FRYL: variants seen among roughly 807,000 people sequenced by gnomAD.
The protein encoded by FRYL is protein furry homolog-like.
FRYL carries 150 observed loss-of-function variants against 351.2 expected under a neutral mutation model. The observed-to-expected ratio is 0.43, with a 90% CI of 0.37 to 0.49. The LOEUF (loss-of-function observed/expected upper bound fraction) is 0.49, where lower values mean the gene tolerates loss of function less well. Ranked by LOEUF, FRYL falls within the 20% of genes least tolerant of loss-of-function variation. FRYL has a pLI of 0.00. For synonymous variants in FRYL, 1,153 were observed against 1,257.1 expected, an observed-to-expected ratio of 0.92 and a Z score of 1.75; for missense variants, 3,036 against 3,619.3, an observed-to-expected ratio of 0.84 and a Z score of 4.13.
chr4:48,625,815 A>G (rs1751675844), intron 4 of FRYL, among the ~76,000 whole-genome samples: 1 of 152,202 alleles, frequency 6.6e-6, no homozygotes, highest in South Asian at 2.1e-4. Context: ...TGTTCTCAAT[A>G]TATGAGTTAA....
chr4:48,609,833 A>T lies in FRYL; in HGVS notation c.412-10T>A. On this transcript the variant is annotated splice_polypyrimidine_tract_variant and intron_variant, in intron 7 of 63. Transcript: ENST00000358350. ...CAGGATGAACAGGAATCTAGAATTT[A>T]AAAAAATTATCAAGTAAGAGTTAAA... 6.7e-7 allele frequency: 1 copy of T among 1,484,288 alleles called. No homozygotes were observed. Among genetic ancestry groups the T allele is most frequent in the Non-Finnish European group, 9.2e-7 (1 of 1,084,062 alleles). 91.9% of individuals were successfully genotyped at this position (1,484,288 alleles called of 1,614,324 possible).
chr4:48,693,622 T>TAA (rs78951413), intron 2 of FRYL, among the ~76,000 whole-genome samples: 4 of 137,146 alleles, frequency 2.9e-5, no homozygotes, highest in East Asian at 2.1e-4. Flanking sequence ...TTCAGCGATT[T>TAA]AAAAAAAAAA....
chr4:48,705,970 G>A (rs1263898718), intron 2 of FRYL, among the ~76,000 whole-genome samples: 1 of 152,052 alleles, frequency 6.6e-6, no homozygotes, highest in Non-Finnish European at 1.5e-5. Flanking sequence ...CTGAGTAGCT[G>A]GAACTACAGG....
At position 48,766,470 on chromosome 4, in the gene FRYL, C is replaced by G. The variant is rs553404707; in HGVS notation, c.-384+13608G>C. 2.0e-5 allele frequency among the ~76,000 whole-genome samples: 3 copies of G among 152,252 alleles called. No homozygotes were observed. In the East Asian group the frequency reaches 5.8e-4, roughly 29 times the overall value. ...GGCCAGCCTGATGCCTACTCAGAGGCCCTTGTGCAGGGATGTGATGCAGGA... is the reference window on the plus strand; with the variant it reads ...GGCCAGCCTGATGCCTACTCAGAGGGCCTTGTGCAGGGATGTGATGCAGGA... On this transcript the variant is annotated intron_variant, in intron 1 of 63. Coordinates refer to ENST00000358350, the MANE Select transcript of FRYL (RefSeq NM_015030.2).
In FRYL at chr4:48,498,968, C is replaced by CT. The variant is rs1361944476; in HGVS notation, c.*453_*454insA. ...TTCATGTGGATGGATGATTAAGCAT[C>CT]AATTGCAGGTTAGGTTTTCAACTGC... On this transcript the variant is annotated 3_prime_UTR_variant, in exon 64 of 64. Coordinates refer to ENST00000358350, the MANE Select transcript of FRYL (RefSeq NM_015030.2). 1 of 181,666 alleles carries CT rather than the reference C, an allele frequency of 5.5e-6. No homozygotes were observed. Among genetic ancestry groups the CT allele is most frequent in the African/African-American group, 2.4e-5 (1 of 41,644 alleles). The allele number at this position is 181,666 out of a possible 1,614,324, so 11.3% of individuals were successfully genotyped here.
chr4:48,641,695 G>A (rs552813479), intron 3 of FRYL, among the ~76,000 whole-genome samples: 1 of 152,144 alleles, frequency 6.6e-6, no homozygotes, highest in Non-Finnish European at 1.5e-5. Context: ...CATCCTGGTT[G>A]CTAAGAACTT....
chr4:48,713,268 A>C (rs1225034633), intron 1 of FRYL, among the ~76,000 whole-genome samples: 1 of 152,134 alleles, frequency 6.6e-6, no homozygotes, highest in Non-Finnish European at 1.5e-5. Context: ...TTTAAATGTA[A>C]TAAAGTCCAT....
intron 59 of FRYL, among the ~76,000 whole-genome samples, chr4:48,509,381 A>G (rs1722004003): frequency 6.6e-6 from 1 of 152,242 alleles, no homozygotes; most frequent in Non-Finnish European, 1.5e-5. Context: ...AGGGAAATGC[A>G]AAATAGTACC....
chr4:48,752,607 T>C (rs781410670), intron 1 of FRYL, among the ~76,000 whole-genome samples: 1 of 152,346 alleles, frequency 6.6e-6, no homozygotes, highest in Non-Finnish European at 1.5e-5. Context: ...AGTCATGATA[T>C]CTGTAAGTCT....
At position 48,654,034 on chromosome 4, in the gene FRYL, A is replaced by G. The variant is rs913216713; in HGVS notation, c.-80-19544T>C. 5.3e-5 allele frequency: 38 copies of G among 712,424 alleles called. No individual in the cohort carries two copies. In the African/African-American group the frequency reaches 6.8e-4, roughly 13 times the overall value. 44.1% of individuals were successfully genotyped at this position (712,424 alleles called of 1,614,324 possible). The stretch of plus-strand genomic sequence containing the variant: ...TTGAATAAAAGCTTACAAGTTTATT[A>G]TAAGTGCCCAGAAGGACACCCTCAC... On this transcript the variant is annotated intron_variant, in intron 3 of 63. Transcript: ENST00000358350.
chr4:48,719,934 G>C (rs1366395522), intron 1 of FRYL, among the ~76,000 whole-genome samples: 1 of 151,148 alleles, frequency 6.6e-6, no homozygotes. Flanking sequence ...AGTGGATCAC[G>C]AGGTCCGGAG....
rs563637183 is a variant in FRYL, at chr4:48,523,718, T to G, written c.7318-614A>C. 4.6e-5 allele frequency among the ~76,000 whole-genome samples: 7 copies of G among 152,346 alleles called. No homozygotes were observed. The East Asian group carries it at 1.3e-3, about 29-fold the overall frequency. ...AGAGACAGACACTTAAAACAACATT[T>G]CTATGATACACTTTGGCAACACAAA... On this transcript the variant is annotated intron_variant, in intron 53 of 63. Coordinates refer to ENST00000358350, the MANE Select transcript of FRYL (RefSeq NM_015030.2).
At chr4:48,669,881 G>C (rs1191535089) in intron 3 of FRYL, among the ~76,000 whole-genome samples, 1 of 151,812 alleles carries the variant, frequency 6.6e-6, no homozygotes, top group Non-Finnish European at 1.5e-5. Context: ...TTGGGAGGCA[G>C]TCTAAAAAGA....
intron 20 of FRYL, 77 bp downstream of exon 20, chr4:48,582,415 ATAAAG>A: frequency 1.2e-6 from 1 of 856,940 alleles, no homozygotes; most frequent in South Asian, 1.6e-5. Context: ...TTAGTGTTTG[ATAAAG>A]TAAATCTGTA....
At chr4:48,502,315 C>A (rs939289152) in intron 61 of FRYL, among the ~76,000 whole-genome samples, 2 of 152,042 alleles carry the variant, frequency 1.3e-5, no homozygotes, top group Admixed American at 6.5e-5. Context: ...CCGAGGTGGG[C>A]AGATCACTTG....
At chr4:48,582,350 A>G in intron 20 of FRYL, 147 bp downstream of exon 20, 1 of 614,800 alleles carries the variant, frequency 1.6e-6, no homozygotes, top group South Asian at 2.1e-5. Flanking sequence ...ACTATGGGAA[A>G]GTTCAGTTTA....
intron 3 of FRYL, among the ~76,000 whole-genome samples, chr4:48,682,622 C>G (rs1362068109): frequency 6.6e-6 from 1 of 152,146 alleles, no homozygotes; most frequent in Non-Finnish European, 1.5e-5. Context: ...TGAACAGACA[C>G]TTCTCAAAAG....
rs771481442 is a variant in FRYL at position 48,576,115 on chromosome 4, G to A, written c.2636C>T (p.Ser879Phe). The A allele has an allele frequency of 6.2e-7, 1 of 1,614,020 alleles. No individual in the cohort carries two copies. Among genetic ancestry groups the A allele is most frequent in the South Asian group, 1.1e-5 (1 of 91,064 alleles). ...TCTCACAGAACCTGCAGATGTGGAA[G>A]ATGACGATGTTGCTGCACTGCAGCA... is the stretch of plus-strand genomic sequence containing the variant. ...ILCCSAATSS[S>F]STSAGSVRCS... The change falls in exon 24 of 64, where the codon TCT (serine) becomes TTT (phenylalanine). Residue 879 changes from serine to phenylalanine, a missense_variant. Physicochemically the swap from Ser to Phe is radical, Grantham distance 155 (BLOSUM62 -2). Coordinates refer to ENST00000358350, the MANE Select transcript of FRYL (RefSeq NM_015030.2).
chr4:48,632,389 A>C (rs1753396912), intron 4 of FRYL, among the ~76,000 whole-genome samples: 1 of 150,162 alleles, frequency 6.7e-6, no homozygotes, highest in African/African-American at 2.4e-5. Context: ...ATGCTGTTTA[A>C]GTAGACTAGT....
Sources: gnomAD v4.1 joint callset for allele counts (sites outside exome capture counted in the v4.1 genomes callset) on GRCh38, gnomAD v4.1.1 for gene constraint, MANE v1.5 for transcripts, NCBI Gene and HGNC (gene_info 2026-07-23, HGNC 2026-07-21) for gene names.